CPQ: variants seen among roughly 807,000 people sequenced by gnomAD.
The protein encoded by CPQ is carboxypeptidase Q, also known as Ser-Met dipeptidase.
CPQ carries 37 observed loss-of-function variants against 45.7 expected under a neutral mutation model. That is an observed-to-expected ratio of 0.81 (90% confidence interval 0.62 to 1.07). The LOEUF (loss-of-function observed/expected upper bound fraction) is 1.07. Ranked by LOEUF, CPQ falls within the 50% of genes least tolerant of loss-of-function variation. CPQ has a pLI of 0.00. For missense variants in CPQ, 537 were observed against 572.9 expected (o/e 0.94, Z 0.64); for synonymous variants, 186 against 205.8 (o/e 0.90, Z 0.82).
intron 4 of CPQ, among the ~76,000 whole-genome samples, chr8:96,953,584 C>CT (rs1813304697): frequency 6.6e-6 from 1 of 152,102 alleles, no homozygotes; most frequent in African/African-American, 2.4e-5. Context: ...ACCACTGTCT[C>CT]TTTTCCAAAC....
At chr8:96,788,902 A>G (rs1409920941) in intron 2 of CPQ, among the ~76,000 whole-genome samples, 13 of 152,122 alleles carry the variant, frequency 8.5e-5, no homozygotes, top group Admixed American at 7.9e-4. Context: ...CTATTAGCTT[A>G]AAGCTACTAT....
intron 5 of CPQ, among the ~76,000 whole-genome samples, chr8:96,987,472 A>G (rs543892301): frequency 2.0e-4 from 30 of 152,310 alleles, no homozygotes; most frequent in South Asian, 1.4e-3. Context: ...AAGTGAAGAA[A>G]CACAGCCAAG....
intron 5 of CPQ, among the ~76,000 whole-genome samples, chr8:96,983,240 A>G (rs545533065): frequency 2.6e-5 from 4 of 152,174 alleles, no homozygotes; most frequent in South Asian, 2.1e-4. Flanking sequence ...TATTTCTTCT[A>G]TCTTTTTGAG....
intron 6 of CPQ, among the ~76,000 whole-genome samples, chr8:97,048,155 T>C (rs983458690): frequency 6.6e-6 from 1 of 152,204 alleles, no homozygotes; most frequent in Non-Finnish European, 1.5e-5. Context: ...TTTAACACTA[T>C]CAGACAATGA....
chr8:97,096,054 GGATGATGAT>G (rs59275267), intron 7 of CPQ, among the ~76,000 whole-genome samples: 3 of 151,398 alleles, frequency 2.0e-5, no homozygotes, highest in Non-Finnish European at 4.4e-5. Flanking sequence ...GTTGTGGTGG[GGATGATGAT>G]GATGATGATG....
At chr8:96,718,031 G>A (rs1210213353) in intron 1 of CPQ, among the ~76,000 whole-genome samples, 2 of 152,158 alleles carry the variant, frequency 1.3e-5, no homozygotes, top group Non-Finnish European at 2.9e-5. Context: ...AACTTCCCCA[G>A]GCCATAAGCT....
intron 1 of CPQ, among the ~76,000 whole-genome samples, chr8:96,668,839 A>C (rs911477379): frequency 1.3e-5 from 2 of 152,090 alleles, no homozygotes; most frequent in Non-Finnish European, 2.9e-5. Context: ...GAGCTGAACA[A>C]ATGGGTAACT....
At chr8:96,736,074 A>G (rs1485828801) in intron 1 of CPQ, among the ~76,000 whole-genome samples, 2 of 151,954 alleles carry the variant, frequency 1.3e-5, no homozygotes, top group Non-Finnish European at 2.9e-5. Flanking sequence ...TCGTTTGAAG[A>G]GAAATGGATG....
intron 5 of CPQ, among the ~76,000 whole-genome samples, chr8:96,992,445 A>G (rs555298790): frequency 1.3e-4 from 20 of 152,280 alleles, no homozygotes; most frequent in Admixed American, 9.2e-4. Flanking sequence ...TTAAAGAAAT[A>G]ATTATATGTG....
At chr8:96,703,033 A>G (rs761222758) in intron 1 of CPQ, among the ~76,000 whole-genome samples, 14 of 152,170 alleles carry the variant, frequency 9.2e-5, no homozygotes, top group Non-Finnish European at 1.9e-4. Context: ...GAATCAATAG[A>G]TAGATATTAA....
chr8:97,114,328 G>A (rs1811546920), intron 7 of CPQ, among the ~76,000 whole-genome samples: 1 of 152,158 alleles, frequency 6.6e-6, no homozygotes, highest in Admixed American at 6.5e-5. Flanking sequence ...AAGCCATATG[G>A]GATTTGCCCT....
At chr8:96,817,113 A>G (rs1349045477) in intron 2 of CPQ, among the ~76,000 whole-genome samples, 1 of 152,188 alleles carries the variant, frequency 6.6e-6, no homozygotes, top group East Asian at 1.9e-4. Flanking sequence ...AAAGTTCTAG[A>G]TCTTCTAATA....
intron 1 of CPQ, 113 bp from the exon 2 acceptor site, chr8:96,784,751 G>T: frequency 1.4e-6 from 1 of 704,836 alleles, no homozygotes; most frequent in South Asian, 1.9e-5. Flanking sequence ...GGTGGATGTT[G>T]GGCAGTGGTT....
rs139820750 is a variant in CPQ, at chr8:97,089,732, A to C, written c.1255+23522A>C. Among the ~76,000 whole-genome samples, 597 of 152,250 alleles carry C rather than the reference A, an allele frequency of 3.9e-3. 2 individuals carry two copies. Among genetic ancestry groups the C allele is most frequent in the African/African-American group, 0.014 (576 of 41,546 alleles). On this transcript the variant is annotated intron_variant, in intron 7 of 7. Coordinates refer to ENST00000220763, the MANE Select transcript of CPQ (RefSeq NM_016134.4). ...CCTTTATGTGTATTGAACTCAACCT[A>C]GGATGGGGTAGGGAGTACTGATCCT...
At chr8:96,946,465 T>C (rs1813190176) in intron 4 of CPQ, among the ~76,000 whole-genome samples, 1 of 152,106 alleles carries the variant, frequency 6.6e-6, no homozygotes, top group South Asian at 2.1e-4. Context: ...ATTTTTTTAT[T>C]ATACTTTAAG....
chr8:96,874,784 G>A (rs1812123509), intron 3 of CPQ, among the ~76,000 whole-genome samples: 1 of 151,822 alleles, frequency 6.6e-6, no homozygotes, highest in South Asian at 2.1e-4. Flanking sequence ...TAAAAATAAT[G>A]CTGCTATGAA....
At chr8:96,755,187 T>C (rs916508991) in intron 1 of CPQ, among the ~76,000 whole-genome samples, 5 of 151,978 alleles carry the variant, frequency 3.3e-5, no homozygotes, top group African/African-American at 7.2e-5. Context: ...TTTATGCACA[T>C]TGTACAAAAC....
intron 1 of CPQ, among the ~76,000 whole-genome samples, chr8:96,710,197 C>T (rs541060900): frequency 1.1e-4 from 16 of 149,328 alleles, no homozygotes; most frequent in South Asian, 4.2e-4. Context: ...ATAGTAGTCT[C>T]GAAATTTTTT....
At chr8:97,055,363 T>C (rs1409583047) in intron 6 of CPQ, among the ~76,000 whole-genome samples, 1 of 152,192 alleles carries the variant, frequency 6.6e-6, no homozygotes, top group Non-Finnish European at 1.5e-5. Context: ...CTGATGTAAT[T>C]GGATAGAGAT....
Sources: gnomAD v4.1 joint callset for allele counts (sites outside exome capture counted in the v4.1 genomes callset) on GRCh38, gnomAD v4.1.1 for gene constraint, MANE v1.5 for transcripts, NCBI Gene and HGNC (gene_info 2026-07-23, HGNC 2026-07-21) for gene names.